SP3: variants seen among roughly 807,000 people sequenced by gnomAD.
SP3 encodes Sp3 transcription factor, also known as transcription factor Sp3.
A neutral mutation model predicts 70.3 loss-of-function variants in SP3; 10 were observed. The ratio of observed to expected loss-of-function variants is 0.14; its 90% CI spans 0.09 to 0.24. The LOEUF is 0.24. Ranked by LOEUF, SP3 falls within the 10% of genes least tolerant of loss-of-function variation. SP3 has a pLI of 1.00. For synonymous variants in SP3, 402 were observed against 333.5 expected, an observed-to-expected ratio of 1.21 and a Z score of -2.24; for missense variants, 825 against 914.6, an observed-to-expected ratio of 0.90 and a Z score of 1.26.
At chr2:173,948,937 G>C (rs908664954) in intron 4 of SP3, among the ~76,000 whole-genome samples, 1 of 152,050 alleles carries the variant, frequency 6.6e-6, no homozygotes, top group Non-Finnish European at 1.5e-5. Flanking sequence ...CAAGCTAAGT[G>C]GTATGATACC....
At chr2:173,957,654 C>T (rs755716767) in intron 3 of SP3, among the ~76,000 whole-genome samples, 2 of 152,040 alleles carry the variant, frequency 1.3e-5, no homozygotes, top group Non-Finnish European at 2.9e-5. Context: ...ATTGTTTAGA[C>T]TTTATCCTGT....
chr2:173,959,110 T>C (rs1024843080), intron 3 of SP3, among the ~76,000 whole-genome samples: 2 of 152,086 alleles, frequency 1.3e-5, no homozygotes, highest in Non-Finnish European at 2.9e-5. Context: ...ACAGAATGGA[T>C]CAAAACAAAT....
chr2:173,922,668 G>A (rs1689789435), intron 4 of SP3, among the ~76,000 whole-genome samples: 1 of 152,092 alleles, frequency 6.6e-6, no homozygotes, highest in African/African-American at 2.4e-5. Flanking sequence ...AAACCAAACT[G>A]AAGAAATCAT....
chr2:173,939,152 A>G (rs566516526), intron 4 of SP3, among the ~76,000 whole-genome samples: 17 of 152,312 alleles, frequency 1.1e-4, no homozygotes, highest in Non-Finnish European at 2.4e-4. Context: ...CATCTTTGTA[A>G]TTCCAGTATC....
chr2:173,919,871 A>C (rs1186723919), intron 4 of SP3, among the ~76,000 whole-genome samples: 1 of 152,176 alleles, frequency 6.6e-6, no homozygotes. Flanking sequence ...AACCTACAGA[A>C]ATGCATACAC....
intron 4 of SP3, among the ~76,000 whole-genome samples, chr2:173,932,341 G>T (rs1401366778): frequency 2.0e-5 from 3 of 152,218 alleles, no homozygotes; most frequent in Middle Eastern, 3.4e-3. Context: ...ACAGGCGCCT[G>T]CCATCACGCC....
At chr2:173,958,465 G>T (rs1319272368) in intron 3 of SP3, among the ~76,000 whole-genome samples, 1 of 151,430 alleles carries the variant, frequency 6.6e-6, no homozygotes, top group African/African-American at 2.4e-5. Context: ...CAGCAATTCA[G>T]GCCATTAATT....
In SP3 at chr2:173,909,381, T is replaced by C. The variant is rs1275300436; in HGVS notation, c.*560A>G. On this transcript the variant is annotated 3_prime_UTR_variant, in exon 7 of 7. Transcript: ENST00000310015. Reference sequence around the variant, plus strand: ...TGTAGTTTTCAAAATCTTACAAGAGTAATGCTTAAAATATTGTACATAGTT... The same window carrying C: ...TGTAGTTTTCAAAATCTTACAAGAGCAATGCTTAAAATATTGTACATAGTT... 6.6e-6 allele frequency: 1 copy of C among 152,522 alleles called. No individual in the cohort carries two copies. Among genetic ancestry groups the C allele is most frequent in the Non-Finnish European group, 1.5e-5 (1 of 67,990 alleles). The allele number at this position is 152,522 out of a possible 1,614,324, so 9.4% of individuals were successfully genotyped here. A position where few individuals can be genotyped will look rare whatever the true frequency, so the allele number is the denominator to read the frequency against.
At chr2:173,921,703 A>C (rs1189791815) in intron 4 of SP3, among the ~76,000 whole-genome samples, 1 of 152,182 alleles carries the variant, frequency 6.6e-6, no homozygotes, top group Non-Finnish European at 1.5e-5. Context: ...GCAACAAAGA[A>C]AGACCCTGAC....
chr2:173,923,684 GTTC>G (rs1689824477), intron 4 of SP3, among the ~76,000 whole-genome samples: 1 of 151,862 alleles, frequency 6.6e-6, no homozygotes, highest in African/African-American at 2.4e-5. Flanking sequence ...AGATTTTGTT[GTTC>G]TTATCAAAGT....
chr2:173,941,732 C>T (rs1296209624), intron 4 of SP3, among the ~76,000 whole-genome samples: 5 of 152,188 alleles, frequency 3.3e-5, no homozygotes, highest in Non-Finnish European at 7.3e-5. Context: ...CTACTTCTCA[C>T]CCTCTATATG....
intron 4 of SP3, among the ~76,000 whole-genome samples, chr2:173,936,301 G>C (rs1023998454): frequency 2.0e-5 from 3 of 152,132 alleles, no homozygotes; most frequent in Non-Finnish European, 2.9e-5. Context: ...TTACAGGTGT[G>C]AACCACCATG....
At chr2:173,940,326 A>G (rs903499944) in intron 4 of SP3, among the ~76,000 whole-genome samples, 6 of 152,202 alleles carry the variant, frequency 3.9e-5, no homozygotes, top group Non-Finnish European at 7.3e-5. Flanking sequence ...TAGATTTTTC[A>G]TAAGGAGCTT....
At chr2:173,928,117 T>C (rs923648986) in intron 4 of SP3, among the ~76,000 whole-genome samples, 1 of 152,194 alleles carries the variant, frequency 6.6e-6, no homozygotes, top group Non-Finnish European at 1.5e-5. Flanking sequence ...TAAGCCAGTT[T>C]TAAATTTGGA....
intron 4 of SP3, among the ~76,000 whole-genome samples, chr2:173,953,685 T>C (rs1274963490): frequency 6.6e-6 from 1 of 151,976 alleles, no homozygotes; most frequent in African/African-American, 2.4e-5. Context: ...CGAGAATTGC[T>C]TGAACCCAGA....
rs1390616378 is a variant in SP3 at position 173,907,180 on chromosome 2, T to C, written c.*2761A>G. 2 of 152,146 alleles carry C rather than the reference T, an allele frequency of 1.3e-5. No homozygotes were observed. Among genetic ancestry groups the C allele is most frequent in the Admixed American group, 1.3e-4 (2 of 15,282 alleles). 9.4% of individuals were successfully genotyped at this position (152,146 alleles called of 1,614,324 possible). On this transcript the variant is annotated 3_prime_UTR_variant, in exon 7 of 7. Coordinates refer to ENST00000310015, the MANE Select transcript of SP3 (RefSeq NM_003111.5). ...ATTAAAATTTGAGGTATACAGATAATCGCGTCCACTAAATGTTACAACAGG... is the reference window on the plus strand; with the variant it reads ...ATTAAAATTTGAGGTATACAGATAACCGCGTCCACTAAATGTTACAACAGG...
At chr2:173,913,474 A>G (rs1689544032) in intron 5 of SP3, 1 of 349,036 alleles carries the variant, frequency 2.9e-6, no homozygotes, top group Non-Finnish European at 5.1e-6. Flanking sequence ...TTACTCCAGA[A>G]TTAATGTGAT....
intron 3 of SP3, among the ~76,000 whole-genome samples, chr2:173,962,738 C>G (rs966975020): frequency 6.6e-6 from 1 of 152,082 alleles, no homozygotes; most frequent in Admixed American, 6.5e-5. Flanking sequence ...GAAAGTATCA[C>G]TCCACAAATC....
intron 4 of SP3, among the ~76,000 whole-genome samples, chr2:173,932,802 C>A (rs561003963): frequency 6.6e-6 from 1 of 152,180 alleles, no homozygotes; most frequent in Admixed American, 6.5e-5. Flanking sequence ...ACCATCCTGG[C>A]TGACACGGTG....
Sources: allele counts gnomAD v4.1 joint callset (sites outside exome capture counted in the v4.1 genomes callset), GRCh38; gene constraint gnomAD v4.1.1; transcripts MANE v1.5; gene names NCBI Gene and HGNC (gene_info 2026-07-23, HGNC 2026-07-21).